The following MARF1 variants were observed in gnomAD, a reference collection of about 807,000 sequenced individuals.
MARF1 encodes limkain-b1.
In MARF1, 24 loss-of-function variants were observed where a neutral mutation model predicts 168.2. The ratio of observed to expected loss-of-function variants is 0.14; its 90% confidence interval spans 0.10 to 0.20. The LOEUF (loss-of-function observed/expected upper bound fraction) is 0.20, where lower values mean the gene tolerates loss of function less well. Ranked by LOEUF, MARF1 falls within the 10% of genes least tolerant of loss-of-function variation. The pLI is 1.00. For synonymous variants in MARF1, 868 were observed against 822.4 expected, an observed-to-expected ratio of 1.06 and a Z score of -0.95; for missense variants, 1,744 against 2,143.6, an observed-to-expected ratio of 0.81 and a Z score of 3.68.
intron 22 of MARF1, among the ~76,000 whole-genome samples, chr16:15,603,449 T>C (rs1180383467): frequency 6.6e-6 from 1 of 152,136 alleles, no homozygotes; most frequent in African/African-American, 2.4e-5. Flanking sequence ...GCTGGGATTA[T>C]AGACGTGTAC....
chr16:15,600,741 G>C, intron 23 of MARF1, 40 bp from the exon 24 acceptor site: 1 of 1,605,220 alleles, frequency 6.2e-7, no homozygotes, highest in Non-Finnish European at 8.5e-7. Context: ...AGCGGAAAAG[G>C]AGGGGACAGA....
At chr16:15,624,666 T>C in intron 10 of MARF1, 103 bp downstream of exon 10, 1 of 1,100,666 alleles carries the variant, frequency 9.1e-7, no homozygotes, top group Non-Finnish European at 1.3e-6. Flanking sequence ...GAGACTTACT[T>C]TGTGCATTTC....
intron 22 of MARF1, among the ~76,000 whole-genome samples, chr16:15,603,469 G>A (rs948298353): frequency 6.6e-6 from 1 of 151,872 alleles, no homozygotes; most frequent in Non-Finnish European, 1.5e-5. Flanking sequence ...CCACCTTGCC[G>A]GGCCCCAGAA....
intron 7 of MARF1, among the ~76,000 whole-genome samples, chr16:15,627,988 T>TCA (rs1161924131): frequency 6.6e-6 from 1 of 152,162 alleles, no homozygotes; most frequent in African/African-American, 2.4e-5. Flanking sequence ...CTATGGTATG[T>TCA]CAGCCCAGGA....
At chr16:15,597,070 A>T (rs2031788256) in intron 26 of MARF1, 133 bp from the exon 27 acceptor site, 8 of 998,370 alleles carry the variant, frequency 8.0e-6, no homozygotes, top group Non-Finnish European at 9.9e-6. Context: ...TCTATGCCAC[A>T]GTTTACATAT....
rs576110361 is a variant in MARF1 at position 15,640,078 on chromosome 16, C to T, written c.-58-787G>A. Among the ~76,000 whole-genome samples the T allele has an allele frequency of 2.0e-5, 3 of 152,224 alleles. No individual in the cohort carries two copies. The East Asian group carries it at 5.8e-4, about 29-fold the overall frequency. Reference sequence around the variant, plus strand: ...CGGCTCTCTCTCCCTAAAGATGCTGCTCAGGAAAGTCAAAAGTTAACAGAA... The same window carrying T: ...CGGCTCTCTCTCCCTAAAGATGCTGTTCAGGAAAGTCAAAAGTTAACAGAA... On this transcript the variant is annotated intron_variant, in intron 1 of 26. Transcript: ENST00000396368.
chr16:15,612,415 C>A, intron 17 of MARF1, 142 bp downstream of exon 17: 1 of 711,494 alleles, frequency 1.4e-6, no homozygotes, highest in African/African-American at 1.8e-5. Context: ...GTGTGTTATT[C>A]CTGCCCTCTG....
At chr16:15,597,535 T>G (rs2031855827) in intron 26 of MARF1, among the ~76,000 whole-genome samples, 1 of 151,480 alleles carries the variant, frequency 6.6e-6, no homozygotes, top group Admixed American at 6.6e-5. Context: ...GTAATTCACC[T>G]GCTCTACACA....
At chr16:15,604,642 A>C (rs1410363236) in intron 21 of MARF1, among the ~76,000 whole-genome samples, 3 of 152,136 alleles carry the variant, frequency 2.0e-5, no homozygotes, top group Non-Finnish European at 4.4e-5. Context: ...CAAGATAATA[A>C]TGGGGGAGGA....
chr16:15,604,809 C>CA (rs1411558727), intron 21 of MARF1, among the ~76,000 whole-genome samples: 1 of 152,134 alleles, frequency 6.6e-6, no homozygotes, highest in African/African-American at 2.4e-5. Flanking sequence ...CTCTAAGCAA[C>CA]ACTCACATGG....
In MARF1 at chr16:15,595,288, C is replaced by G. The variant is rs1260523815; in HGVS notation, c.*1405G>C. 1.3e-5 allele frequency: 2 copies of G among 152,542 alleles called. No homozygotes were observed. The highest frequency in any genetic ancestry group is 2.9e-5 in the Non-Finnish European group (2 of 68,026). 9.4% of individuals were successfully genotyped at this position (152,542 alleles called of 1,614,324 possible). A position where few individuals can be genotyped will look rare whatever the true frequency, so the allele number is the denominator to read the frequency against. ...GACTTGTAAAAATCTCTCTATAGCCCTTATTTTGTGGCATTTTATCAAAAT... is the reference window on the plus strand; with the variant it reads ...GACTTGTAAAAATCTCTCTATAGCCGTTATTTTGTGGCATTTTATCAAAAT... On this transcript the variant is annotated 3_prime_UTR_variant, in exon 27 of 27. Coordinates refer to ENST00000396368, the MANE Select transcript of MARF1 (RefSeq NM_014647.4).
At chr16:15,619,172 A>G (rs570225744) in intron 13 of MARF1, among the ~76,000 whole-genome samples, 77 of 152,242 alleles carry the variant, frequency 5.1e-4, no homozygotes, top group African/African-American at 1.8e-3. Flanking sequence ...AGCTACTCAA[A>G]AGGCTGAGAT....
At chr16:15,622,794 C>A in intron 11 of MARF1, 140 bp downstream of exon 11, 1 of 599,002 alleles carries the variant, frequency 1.7e-6, no homozygotes, top group Non-Finnish European at 2.7e-6. Context: ...CCTGAGCAGA[C>A]CAAAGGGAAA....
At chr16:15,617,875 C>A (rs952566159) in intron 13 of MARF1, among the ~76,000 whole-genome samples, 15 of 152,302 alleles carry the variant, frequency 9.8e-5, no homozygotes, top group African/African-American at 3.6e-4. Flanking sequence ...TTACTTCTCA[C>A]CATCCCCATT....
At position 15,630,371 on chromosome 16, in the gene MARF1, G is replaced by T. The variant is rs1179433742; in HGVS notation, c.1485C>A (p.Phe495Leu). 6.2e-7 allele frequency: 1 copy of T among 1,608,852 alleles called. No homozygotes were observed. Among genetic ancestry groups the T allele is most frequent in the Admixed American group, 1.7e-5 (1 of 59,492 alleles). The change falls in exon 7 of 27, where the codon TTC becomes TTA. Residue 495 changes from phenylalanine (F) to leucine (L), a missense_variant. Phe to Leu is a conservative substitution (Grantham distance 22, BLOSUM62 0). Transcript: ENST00000396368. ...HANELIRFEE[F>L]ISDLPPRLPL... is the part of the protein sequence containing the mutation. ...GTAACCTGGGGGGCAAGTCGGAAAT[G>T]AACTCTTCAAATCTGATCAGCTCGT... is the stretch of plus-strand genomic sequence containing the variant.
rs200589022 is a variant in MARF1, at chr16:15,625,499, T to C, written c.1826A>G (p.Lys609Arg). The part of the protein sequence containing the change: ...ADKVKSPKKL[K>R]NPKLCLIKDA... ...TTTGATGAGGCACAATTTTGGATTCTTAAGTTTTTTGGGAGACTTCACTTT... is the reference window on the plus strand; with the variant it reads ...TTTGATGAGGCACAATTTTGGATTCCTAAGTTTTTTGGGAGACTTCACTTT... Residue 609 changes from lysine (K) to arginine (R), a missense_variant, in exon 8 of 27, where the codon AAG becomes AGG. Coordinates refer to ENST00000396368, the MANE Select transcript of MARF1 (RefSeq NM_014647.4). The C allele has an allele frequency of 1.6e-4, 263 of 1,614,264 alleles. 1 individual carries two copies. The African/African-American group carries it at 3.2e-3, about 19-fold the overall frequency.
At chr16:15,599,973 T>G (rs2032238917) in intron 25 of MARF1, among the ~76,000 whole-genome samples, 1 of 152,080 alleles carries the variant, frequency 6.6e-6, no homozygotes, top group Non-Finnish European at 1.5e-5. Context: ...TCGAATTCCT[T>G]ATTCCCAACC....
chr16:15,627,179 C>A (rs113022948), intron 7 of MARF1, among the ~76,000 whole-genome samples: 1 of 151,300 alleles, frequency 6.6e-6, no homozygotes, highest in African/African-American at 2.4e-5. Context: ...CAGTGAGACC[C>A]CATCTCTATT....
intron 13 of MARF1, 44 bp from the exon 14 acceptor site, chr16:15,617,579 T>C: frequency 6.7e-6 from 9 of 1,346,902 alleles, no homozygotes; most frequent in Non-Finnish European, 9.4e-6. Context: ...AGGTTTTTCT[T>C]TGATTATACA....
Sources: allele counts gnomAD v4.1 joint callset (sites outside exome capture counted in the v4.1 genomes callset), GRCh38; gene constraint gnomAD v4.1.1; transcripts MANE v1.5; gene names NCBI Gene and HGNC (gene_info 2026-07-23, HGNC 2026-07-21).